GAS7: variants seen among roughly 807,000 people sequenced by gnomAD.
GAS7 encodes growth arrest-specific protein 7.
In GAS7, 28 loss-of-function variants were observed where a neutral mutation model predicts 71.1. The ratio of observed to expected loss-of-function variants is 0.39; its 90% CI spans 0.29 to 0.54. The LOEUF (loss-of-function observed/expected upper bound fraction) is 0.54, where lower values mean the gene tolerates loss of function less well. Ranked by LOEUF, GAS7 falls within the 20% of genes least tolerant of loss-of-function variation. GAS7 has a pLI of 0.62. For missense variants in GAS7, 436 were observed against 627.8 expected, an observed-to-expected ratio of 0.69 and a Z score of 3.27; for synonymous variants, 258 against 245.8, an observed-to-expected ratio of 1.05 and a Z score of -0.46.
chr17:10,124,019 A>G (rs1316905677), intron 1 of GAS7, among the ~76,000 whole-genome samples: 1 of 152,200 alleles, frequency 6.6e-6, no homozygotes, highest in Non-Finnish European at 1.5e-5. Flanking sequence ...GGCTGGCTGA[A>G]GAAGCTGGAC....
intron 1 of GAS7, among the ~76,000 whole-genome samples, chr17:10,150,117 T>C (rs1203530852): frequency 6.6e-6 from 1 of 152,122 alleles, no homozygotes; most frequent in Non-Finnish European, 1.5e-5. Flanking sequence ...GTGAATAACA[T>C]CTCAATAAAG....
intron 2 of GAS7, among the ~76,000 whole-genome samples, chr17:10,015,076 A>C (rs575748728): frequency 7.1e-4 from 108 of 151,906 alleles, no homozygotes; most frequent in African/African-American, 2.5e-3. Context: ...AATCGCTTGA[A>C]CCGGGGAGGC....
intron 5 of GAS7, chr17:9,958,850 G>T: frequency 1.5e-5 from 6 of 396,914 alleles, no homozygotes; most frequent in Non-Finnish European, 2.3e-5. Context: ...CAACCCTGCC[G>T]TGGCTGTAAT....
At chr17:10,192,824 C>T (rs1173941497) in intron 1 of GAS7, among the ~76,000 whole-genome samples, 2 of 152,104 alleles carry the variant, frequency 1.3e-5, no homozygotes, top group African/African-American at 4.8e-5. Context: ...CAAATACTGG[C>T]CACAGCCCCC....
chr17:10,104,337 T>C (rs1272938318), intron 1 of GAS7, among the ~76,000 whole-genome samples: 1 of 152,168 alleles, frequency 6.6e-6, no homozygotes, highest in Admixed American at 6.5e-5. Context: ...TCATGGGTTT[T>C]CTCAAGTAGT....
At chr17:10,143,460 T>G (rs1316990357) in intron 1 of GAS7, among the ~76,000 whole-genome samples, 1 of 151,236 alleles carries the variant, frequency 6.6e-6, no homozygotes, top group Non-Finnish European at 1.5e-5. Flanking sequence ...GACAATCAGT[T>G]GAACCCAGGA....
At chr17:10,036,115 C>G (rs1015217507) in intron 1 of GAS7, among the ~76,000 whole-genome samples, 5 of 152,216 alleles carry the variant, frequency 3.3e-5, no homozygotes, top group African/African-American at 1.2e-4. Flanking sequence ...TACGAAACTG[C>G]TCCCCAGGTA....
At chr17:10,084,398 G>T (rs1266890385) in intron 1 of GAS7, among the ~76,000 whole-genome samples, 6 of 152,122 alleles carry the variant, frequency 3.9e-5, no homozygotes, top group Non-Finnish European at 8.8e-5. Flanking sequence ...CAGAAAAGAG[G>T]CCCCAAGTGA....
intron 1 of GAS7, among the ~76,000 whole-genome samples, chr17:10,173,136 G>A (rs1467379848): frequency 2.6e-5 from 4 of 152,194 alleles, no homozygotes; most frequent in African/African-American, 9.7e-5. Context: ...CAGATGCATA[G>A]AACCAGAAAA....
chr17:10,126,554 G>A (rs79660953), intron 1 of GAS7, among the ~76,000 whole-genome samples: 1 of 105,298 alleles, frequency 9.5e-6, no homozygotes, highest in African/African-American at 3.7e-5. Flanking sequence ...GCGCACACAC[G>A]CAGACATGCA....
Position 9,917,069 on chromosome 17 carries a change from C to A in GAS7, c.*159G>T, listed in dbSNP as rs1040560213. The A allele has an allele frequency of 2.4e-5, 15 of 616,746 alleles. No homozygotes were observed. Among genetic ancestry groups the A allele is most frequent in the African/African-American group, 5.5e-5 (3 of 54,480 alleles). The allele number at this position is 616,746 out of a possible 1,614,324, so 38.2% of individuals were successfully genotyped here. On this transcript the variant is annotated 3_prime_UTR_variant, in exon 14 of 14. Coordinates refer to ENST00000432992, the MANE Select transcript of GAS7 (RefSeq NM_201433.2). ...GGGCCTGGGAATATGGGGGAGCCCC[C>A]AGCTAGGCTGTCCGGGTCACCCTTC...
At chr17:10,135,854 T>C (rs1044036806) in intron 1 of GAS7, among the ~76,000 whole-genome samples, 1 of 152,152 alleles carries the variant, frequency 6.6e-6, no homozygotes, top group Non-Finnish European at 1.5e-5. Flanking sequence ...CAGCAGAAGA[T>C]CAACAGAGAA....
chr17:10,145,749 A>C (rs1597818329), intron 1 of GAS7, among the ~76,000 whole-genome samples: 1 of 152,156 alleles, frequency 6.6e-6, no homozygotes, highest in Non-Finnish European at 1.5e-5. Flanking sequence ...ATGGCCCAGG[A>C]GTCAACTGAG....
At chr17:10,170,153 C>A (rs755820831) in intron 1 of GAS7, among the ~76,000 whole-genome samples, 2 of 152,036 alleles carry the variant, frequency 1.3e-5, no homozygotes, top group Non-Finnish European at 2.9e-5. Flanking sequence ...ACCCTCTGCT[C>A]CCCCCTCCAT....
chr17:10,166,309 C>A (rs1286972394), intron 1 of GAS7, among the ~76,000 whole-genome samples: 1 of 152,228 alleles, frequency 6.6e-6, no homozygotes, highest in Non-Finnish European at 1.5e-5. Context: ...AGGCGTGAGT[C>A]ACCACACCAG....
intron 2 of GAS7, among the ~76,000 whole-genome samples, chr17:9,985,440 G>A (rs530307339): frequency 2.0e-5 from 3 of 152,214 alleles, no homozygotes; most frequent in African/African-American, 4.8e-5. Context: ...CGCCTTTCCC[G>A]TATTGTTCAC....
chr17:9,925,659 G>A, intron 10 of GAS7, 60 bp from the exon 11 acceptor site: 1 of 1,592,408 alleles, frequency 6.3e-7, no homozygotes, highest in African/African-American at 1.3e-5. Context: ...GGCCTCCTGG[G>A]CCACGCAGCC....
chr17:9,949,743 CCCTTCTTCTCTTTCTCCT>C (rs1435098181), intron 5 of GAS7, among the ~76,000 whole-genome samples: 2 of 151,772 alleles, frequency 1.3e-5, no homozygotes, highest in African/African-American at 4.8e-5. Context: ...CAAGGATAAT[CCCTTCTTCTCTTTCTCCT>C]TCCCTTCCTC....
intron 2 of GAS7, among the ~76,000 whole-genome samples, chr17:10,005,685 A>T (rs1324356614): frequency 6.6e-6 from 1 of 152,166 alleles, no homozygotes; most frequent in Non-Finnish European, 1.5e-5. Context: ...CACTGTGTTC[A>T]CAGAATGGAA....
Sources: allele counts gnomAD v4.1 joint callset (sites outside exome capture counted in the v4.1 genomes callset), GRCh38; gene constraint gnomAD v4.1.1; transcripts MANE v1.5; gene names NCBI Gene and HGNC (gene_info 2026-07-23, HGNC 2026-07-21).